The following TLN2 variants were observed in gnomAD, a reference collection of about 807,000 sequenced individuals.
TLN2 encodes the protein talin 2.
In TLN2, 118 loss-of-function variants were observed where a neutral mutation model predicts 294.7. The observed-to-expected ratio is 0.40, with a 90% CI of 0.34 to 0.47. The LOEUF (loss-of-function observed/expected upper bound fraction) is 0.47, where lower values mean the gene tolerates loss of function less well. TLN2 is among the 20% of genes least tolerant of loss of function. TLN2 has a pLI of 0.84. For synonymous variants in TLN2, 1,431 were observed against 1,304.5 expected (o/e 1.10, Z -2.09); for missense variants, 3,083 against 3,282.2 (o/e 0.94, Z 1.48).
chr15:62,398,916 C>T (rs928373506), intron 1 of TLN2, among the ~76,000 whole-genome samples: 7 of 152,074 alleles, frequency 4.6e-5, no homozygotes, highest in East Asian at 1.9e-4. Context: ...GAGACCTTTG[C>T]GGCAGCCCCT....
chr15:62,519,091 A>C (rs981195255), intron 1 of TLN2, among the ~76,000 whole-genome samples: 1 of 152,224 alleles, frequency 6.6e-6, no homozygotes, highest in Non-Finnish European at 1.5e-5. Context: ...TGGTTAAGCA[A>C]CTTGCCCAGG....
chr15:62,731,459 A>G (rs1296897603), intron 28 of TLN2, among the ~76,000 whole-genome samples: 2 of 152,138 alleles, frequency 1.3e-5, no homozygotes, highest in Non-Finnish European at 2.9e-5. Context: ...GGTGGATAAG[A>G]TAAGGACAGA....
At chr15:62,776,212 G>A (rs1336011272) in intron 42 of TLN2, among the ~76,000 whole-genome samples, 2 of 152,042 alleles carry the variant, frequency 1.3e-5, no homozygotes, top group Middle Eastern at 3.2e-3. Flanking sequence ...GGGTACTCAG[G>A]GCTTTACCGG....
chr15:62,427,544 A>T (rs1453963249), intron 1 of TLN2, among the ~76,000 whole-genome samples: 2 of 152,154 alleles, frequency 1.3e-5, no homozygotes, highest in East Asian at 3.9e-4. Context: ...GGCAGGATTT[A>T]GCCATGTTTA....
intron 1 of TLN2, among the ~76,000 whole-genome samples, chr15:62,402,471 C>A (rs1430756214): frequency 6.6e-6 from 1 of 152,184 alleles, no homozygotes; most frequent in African/African-American, 2.4e-5. Flanking sequence ...GTCCTCCTTA[C>A]CCAGCTCAGA....
At chr15:62,724,691 C>T (rs2060340086) in intron 26 of TLN2, among the ~76,000 whole-genome samples, 1 of 152,124 alleles carries the variant, frequency 6.6e-6, no homozygotes, top group African/African-American at 2.4e-5. Flanking sequence ...ATAAATGATC[C>T]ACTGAGTCTA....
intron 1 of TLN2, among the ~76,000 whole-genome samples, chr15:62,554,641 C>G (rs905491085): frequency 6.6e-6 from 1 of 151,988 alleles, no homozygotes; most frequent in Non-Finnish European, 1.5e-5. Flanking sequence ...TTTACCAAGG[C>G]CAGTAAGAAC....
intron 27 of TLN2, among the ~76,000 whole-genome samples, chr15:62,725,778 G>A (rs556845044): frequency 6.6e-6 from 1 of 152,194 alleles, no homozygotes; most frequent in Non-Finnish European, 1.5e-5. Context: ...TCACCGTTCT[G>A]TCCAATGTTA....
chr15:62,710,782 G>C (rs1344115657), intron 21 of TLN2, among the ~76,000 whole-genome samples: 1 of 115,868 alleles, frequency 8.6e-6, no homozygotes, highest in East Asian at 3.0e-4. Context: ...CTGGAGAGCA[G>C]TGACACAATC....
At chr15:62,539,926 A>C (rs1351330834) in intron 1 of TLN2, among the ~76,000 whole-genome samples, 2 of 152,086 alleles carry the variant, frequency 1.3e-5, no homozygotes, top group East Asian at 3.8e-4. Flanking sequence ...ACTAAAAGTC[A>C]ATTTTGACTT....
intron 1 of TLN2, among the ~76,000 whole-genome samples, chr15:62,426,590 A>G (rs1373227685): frequency 6.6e-6 from 1 of 152,204 alleles, no homozygotes. Context: ...ACTAAGCCTC[A>G]AGTATGGAAA....
rs77935390 is a variant in TLN2, at chr15:62,844,599, T to A, written c.*3989T>A. On this transcript the variant is annotated 3_prime_UTR_variant, in exon 59 of 59. Coordinates refer to ENST00000636159, the MANE Select transcript of TLN2 (RefSeq NM_015059.3). ...TCTAACCACATAAGTTATTTTTTTT[T>A]ATTTGCCAGAAATAAACCTTTAAAG... is the stretch of plus-strand genomic sequence containing the variant. 1 of 152,160 alleles carries A rather than the reference T, an allele frequency of 6.6e-6. No individual in the cohort carries two copies. The highest frequency in any genetic ancestry group is 2.4e-5 in the African/African-American group (1 of 41,440). The allele number at this position is 152,160 out of a possible 1,614,324, so 9.4% of individuals were successfully genotyped here.
chr15:62,840,202 G>A (rs757481213), intron 58 of TLN2, among the ~76,000 whole-genome samples: 15 of 152,224 alleles, frequency 9.9e-5, no homozygotes, highest in Admixed American at 2.0e-4. Flanking sequence ...GACTGTCTAC[G>A]TGGAGTGTTT....
chr15:62,512,083 A>G (rs948097835), intron 1 of TLN2, among the ~76,000 whole-genome samples: 1 of 152,052 alleles, frequency 6.6e-6, no homozygotes, highest in African/African-American at 2.4e-5. Context: ...TGCTTTGCCC[A>G]CCCAGCTGCT....
chr15:62,583,489 C>T (rs140037116), intron 1 of TLN2, among the ~76,000 whole-genome samples: 5 of 149,802 alleles, frequency 3.3e-5, no homozygotes, highest in South Asian at 2.3e-4. Context: ...TTTCTCCTCT[C>T]GCCCTTCTTT....
intron 11 of TLN2, among the ~76,000 whole-genome samples, chr15:62,677,806 CTTTT>C (rs3055781): frequency 1.3e-5 from 1 of 75,252 alleles, no homozygotes; most frequent in Admixed American, 2.3e-4. Context: ...GCACTTGCAA[CTTTT>C]TTTTTTTTTT....
intron 1 of TLN2, among the ~76,000 whole-genome samples, chr15:62,419,953 G>A (rs1372066276): frequency 6.6e-6 from 1 of 152,146 alleles, no homozygotes; most frequent in Non-Finnish European, 1.5e-5. Context: ...AACCCAAGGG[G>A]CATCTTATCC....
intron 3 of TLN2, among the ~76,000 whole-genome samples, chr15:62,620,769 A>T (rs1159802821): frequency 6.7e-6 from 1 of 148,660 alleles, no homozygotes. Context: ...GATGTGAGCC[A>T]CCACACCCAG....
At chr15:62,669,601 C>T (rs1350556190) in intron 9 of TLN2, among the ~76,000 whole-genome samples, 2 of 152,140 alleles carry the variant, frequency 1.3e-5, no homozygotes, top group Non-Finnish European at 2.9e-5. Context: ...TTTGCTTGAC[C>T]AGAACTTGCT....
Sources: allele counts gnomAD v4.1 joint callset (sites outside exome capture counted in the v4.1 genomes callset), GRCh38; gene constraint gnomAD v4.1.1; transcripts MANE v1.5; gene names NCBI Gene and HGNC (gene_info 2026-07-23, HGNC 2026-07-21).